RARB: variants seen among roughly 807,000 people sequenced by gnomAD.
RARB encodes the protein retinoic acid receptor beta.
Under a neutral mutation model 51.9 loss-of-function variants are expected in RARB, and 17 were observed. That is an observed-to-expected ratio of 0.33 (90% CI 0.22 to 0.49). The LOEUF (loss-of-function observed/expected upper bound fraction) is 0.49, where lower values mean the gene tolerates loss of function less well. Ranked by LOEUF, RARB falls within the 20% of genes least tolerant of loss-of-function variation. The pLI is 0.99. For synonymous variants in RARB, 215 were observed against 195.4 expected (o/e 1.10, Z -0.84); for missense variants, 369 against 550.8 (o/e 0.67, Z 3.30).
intron 2 of RARB, among the ~76,000 whole-genome samples, chr3:24,932,874 T>A (rs1182239528): frequency 6.6e-6 from 1 of 152,164 alleles, no homozygotes; most frequent in African/African-American, 2.4e-5. Context: ...TTTATTTATT[T>A]TCCTGCTCAG....
intron 5 of RARB, among the ~76,000 whole-genome samples, chr3:25,316,459 A>G (rs545310492): frequency 1.3e-5 from 2 of 152,296 alleles, no homozygotes; most frequent in South Asian, 2.1e-4. Flanking sequence ...AAGGCAAGAA[A>G]CAGAAAATGA....
At chr3:25,022,583 A>G (rs947427441) in intron 2 of RARB, among the ~76,000 whole-genome samples, 3 of 152,116 alleles carry the variant, frequency 2.0e-5, no homozygotes, top group African/African-American at 4.8e-5. Context: ...CAGTTCCTCT[A>G]CATGCTTACT....
At chr3:25,299,040 C>G (rs1446290747) in intron 5 of RARB, among the ~76,000 whole-genome samples, 1 of 152,176 alleles carries the variant, frequency 6.6e-6, no homozygotes. Flanking sequence ...AGCTTTCTGG[C>G]AATGGCATTA....
intron 2 of RARB, among the ~76,000 whole-genome samples, chr3:24,959,401 A>G (rs756763649): frequency 6.6e-6 from 1 of 152,208 alleles, no homozygotes; most frequent in Non-Finnish European, 1.5e-5. Context: ...CCCACCATCA[A>G]GCCATCCCTC....
At chr3:25,070,578 T>C (rs919506813) in intron 3 of RARB, among the ~76,000 whole-genome samples, 1 of 152,204 alleles carries the variant, frequency 6.6e-6, no homozygotes, top group Non-Finnish European at 1.5e-5. Context: ...GTACTTACAA[T>C]ATACAAAATG....
intron 2 of RARB, among the ~76,000 whole-genome samples, chr3:25,000,815 C>T (rs904625124): frequency 2.0e-5 from 3 of 152,142 alleles, no homozygotes; most frequent in African/African-American, 7.2e-5. Flanking sequence ...CACCAGCTTA[C>T]TTACAAAAGT....
chr3:25,291,476 C>CTTTTTTTT (rs199605013), intron 5 of RARB, among the ~76,000 whole-genome samples: 4 of 125,378 alleles, frequency 3.2e-5, no homozygotes, highest in Non-Finnish European at 6.7e-5. Flanking sequence ...CAGATGTTTG[C>CTTTTTTTT]TTTTTTTTTT....
intron 5 of RARB, among the ~76,000 whole-genome samples, chr3:25,250,745 C>T (rs1702696557): frequency 6.6e-6 from 1 of 152,122 alleles, no homozygotes; most frequent in African/African-American, 2.4e-5. Context: ...CTGCTTAGGA[C>T]TTGGCGGCTG....
chr3:25,205,315 C>T (rs1475477370), intron 5 of RARB, among the ~76,000 whole-genome samples: 1 of 152,160 alleles, frequency 6.6e-6, no homozygotes, highest in African/African-American at 2.4e-5. Context: ...TTTCCAGGTG[C>T]TGCCTGTCAC....
intron 2 of RARB, among the ~76,000 whole-genome samples, chr3:24,989,544 A>G (rs1696866453): frequency 9.1e-6 from 1 of 109,352 alleles, no homozygotes. Flanking sequence ...TAGGTTTGAA[A>G]TATCATCTCC....
intron 4 of RARB, among the ~76,000 whole-genome samples, chr3:25,164,042 A>G (rs1246405701): frequency 6.6e-6 from 1 of 152,156 alleles, no homozygotes; most frequent in Non-Finnish European, 1.5e-5. Flanking sequence ...ACAGAGGTGT[A>G]GGTCAGGGTT....
chr3:25,400,868 A>C (rs894378136), intron 5 of RARB, among the ~76,000 whole-genome samples: 21 of 151,702 alleles, frequency 1.4e-4, no homozygotes, highest in African/African-American at 5.1e-4. Flanking sequence ...AGACAATATA[A>C]AATAAAATAT....
At chr3:25,314,215 A>C (rs1481141975) in intron 5 of RARB, among the ~76,000 whole-genome samples, 1 of 152,220 alleles carries the variant, frequency 6.6e-6, no homozygotes, top group Non-Finnish European at 1.5e-5. Context: ...AACTGTTGAG[A>C]TATATCTCAT....
chr3:25,375,878 G>A (rs149355755), intron 5 of RARB, among the ~76,000 whole-genome samples: 5 of 152,278 alleles, frequency 3.3e-5, no homozygotes, highest in African/African-American at 1.2e-4. Flanking sequence ...AGACTTCCAG[G>A]ATTCAAGTTT....
At chr3:24,947,001 G>T (rs905345845) in intron 2 of RARB, among the ~76,000 whole-genome samples, 2 of 152,108 alleles carry the variant, frequency 1.3e-5, no homozygotes, top group Admixed American at 1.3e-4. Flanking sequence ...TCATAAAAGT[G>T]CATTATATAT....
intron 5 of RARB, among the ~76,000 whole-genome samples, chr3:25,342,332 A>G (rs949768272): frequency 6.6e-6 from 1 of 152,212 alleles, no homozygotes; most frequent in African/African-American, 2.4e-5. Flanking sequence ...GTTCTTTATC[A>G]CTAAAGGAAC....
At chr3:25,471,321 G>A (rs548400995) in intron 2 of RARB, among the ~76,000 whole-genome samples, 1 of 152,326 alleles carries the variant, frequency 6.6e-6, no homozygotes, top group East Asian at 1.9e-4. Flanking sequence ...ACGTGGAAGA[G>A]TACTGAGGGC....
chr3:25,042,379 T>C (rs1360415045), intron 2 of RARB, among the ~76,000 whole-genome samples: 1 of 152,186 alleles, frequency 6.6e-6, no homozygotes, highest in Admixed American at 6.5e-5. Context: ...GAGCCAAGAC[T>C]ATTGTCTCAC....
chr3:25,192,319 G>A (rs1028313609), intron 5 of RARB, among the ~76,000 whole-genome samples: 44 of 152,080 alleles, frequency 2.9e-4, no homozygotes, highest in African/African-American at 9.7e-4. Flanking sequence ...GATTGGTAAA[G>A]ATCGTGTAAT....
Sources: allele counts gnomAD v4.1 joint callset (sites outside exome capture counted in the v4.1 genomes callset), GRCh38; gene constraint gnomAD v4.1.1; transcripts MANE v1.5; gene names NCBI Gene and HGNC (gene_info 2026-07-23, HGNC 2026-07-21).